CPM: variants seen among roughly 807,000 people sequenced by gnomAD.
The protein encoded by CPM is carboxypeptidase M.
CPM carries 35 observed loss-of-function variants against 46.4 expected under a neutral mutation model. The observed-to-expected ratio is 0.75, with a 90% CI of 0.58 to 1.00. The LOEUF is 1.00. Ranked by LOEUF, CPM falls within the 50% of genes least tolerant of loss-of-function variation. CPM has a pLI of 0.00. For synonymous variants in CPM, 195 were observed against 195.3 expected, an observed-to-expected ratio of 1.00 and a Z score of 0.01; for missense variants, 422 against 530.4, an observed-to-expected ratio of 0.80 and a Z score of 2.01.
chr12:68,920,355 C>T (rs548382601), intron 2 of CPM, among the ~76,000 whole-genome samples: 1 of 152,302 alleles, frequency 6.6e-6, no homozygotes, highest in Admixed American at 6.5e-5. Flanking sequence ...TTAAATGACC[C>T]TACGCTTCCC....
chr12:68,940,122 A>C (rs1409471014), intron 1 of CPM, among the ~76,000 whole-genome samples: 2 of 147,088 alleles, frequency 1.4e-5, no homozygotes, highest in Non-Finnish European at 3.0e-5. Flanking sequence ...TTCTTCTTTC[A>C]TCTCATTTTT....
In CPM at chr12:68,945,115, G is replaced by A. The variant is rs150703762; in HGVS notation, c.-3-12275C>T. On this transcript the variant is annotated intron_variant, in intron 1 of 8. Coordinates refer to the CPM transcript ENST00000546373. ...TGACCTCTGGCCACATGACTCCTGA[G>A]CAGTAAGGGATTATAAAAGTATACC... Among the ~76,000 whole-genome samples, 1,401 of 152,286 alleles carry A rather than the reference G, an allele frequency of 9.2e-3. 34 individuals are homozygous for A. The highest frequency in any genetic ancestry group is 0.032 in the African/African-American group (1,327 of 41,540).
chr12:68,886,563 C>T lies in CPM; in HGVS notation c.161-674G>A, dbSNP rs368796300. ...AGGAGAATGGTGTGAACCCCGGAGGCGGAGCTTGCAGTGAGCCAAGATCGC... is the reference window on the plus strand; with the variant it reads ...AGGAGAATGGTGTGAACCCCGGAGGTGGAGCTTGCAGTGAGCCAAGATCGC... On this transcript the variant is annotated intron_variant, in intron 2 of 8. Coordinates refer to ENST00000551568, the MANE Select transcript of CPM (RefSeq NM_198320.5). 4.2e-4 allele frequency among the ~76,000 whole-genome samples: 64 copies of T among 152,300 alleles called. No individual in the cohort carries two copies. In the East Asian group the frequency reaches 9.6e-3, roughly 23 times the overall value.
chr12:68,941,834 C>T (rs1036203843), intron 1 of CPM, among the ~76,000 whole-genome samples: 2 of 152,222 alleles, frequency 1.3e-5, no homozygotes, highest in Non-Finnish European at 2.9e-5. Context: ...GATCAGTACC[C>T]CCAGCAAAAC....
intron 2 of CPM, among the ~76,000 whole-genome samples, chr12:68,898,279 T>C (rs1886970038): frequency 6.6e-6 from 1 of 152,204 alleles, no homozygotes; most frequent in Non-Finnish European, 1.5e-5. Context: ...CCCTATTGTC[T>C]ATTTATTGCT....
chr12:68,930,502 C>T (rs1888455097), intron 2 of CPM, among the ~76,000 whole-genome samples: 1 of 152,214 alleles, frequency 6.6e-6, no homozygotes, highest in Non-Finnish European at 1.5e-5. Flanking sequence ...CACTAATGTG[C>T]AGTGACACTT....
At chr12:68,910,280 T>C (rs1280408666) in intron 2 of CPM, among the ~76,000 whole-genome samples, 1 of 152,222 alleles carries the variant, frequency 6.6e-6, no homozygotes, top group Non-Finnish European at 1.5e-5. Flanking sequence ...ATGAGGTATC[T>C]CTATATGTAC....
At chr12:68,873,297 T>G (rs2136234803) in intron 3 of CPM, among the ~76,000 whole-genome samples, 1 of 152,334 alleles carries the variant, frequency 6.6e-6, no homozygotes. Context: ...TGACCACTTC[T>G]CACTTGATTC....
intron 7 of CPM, among the ~76,000 whole-genome samples, chr12:68,860,631 C>T (rs945321648): frequency 1.3e-5 from 2 of 151,930 alleles, no homozygotes; most frequent in African/African-American, 4.8e-5. Context: ...TTACACTGTG[C>T]CCCCCTTAGG....
chr12:68,954,078 A>C (rs1379198950), intron 1 of CPM, among the ~76,000 whole-genome samples: 8 of 152,126 alleles, frequency 5.3e-5, no homozygotes, highest in Non-Finnish European at 1.5e-5. Flanking sequence ...AAAGTTATTC[A>C]TGCTGGTTAA....
chr12:68,938,613 C>T (rs1888709565), intron 1 of CPM, among the ~76,000 whole-genome samples: 1 of 152,042 alleles, frequency 6.6e-6, no homozygotes, highest in Non-Finnish European at 1.5e-5. Context: ...AGCATGTACA[C>T]TTTTAAGACT....
chr12:68,957,830 G>C (rs1474759527), intron 1 of CPM, among the ~76,000 whole-genome samples: 1 of 151,962 alleles, frequency 6.6e-6, no homozygotes, highest in East Asian at 1.9e-4. Flanking sequence ...TCCTAATGCT[G>C]TCCCTCCCCC....
At chr12:68,883,250 T>C (rs1208023236) in intron 3 of CPM, among the ~76,000 whole-genome samples, 1 of 152,210 alleles carries the variant, frequency 6.6e-6, no homozygotes, top group Non-Finnish European at 1.5e-5. Context: ...TTAGCTCTGT[T>C]GCTTCTTAAA....
At chr12:68,872,017 C>CAA (rs1411411437) in intron 3 of CPM, 61 bp from the exon 4 acceptor site, 6 of 1,564,100 alleles carry the variant, frequency 3.8e-6, no homozygotes, top group Non-Finnish European at 5.3e-6. Context: ...GAAAGCACTC[C>CAA]CTACGGTACA....
intron 1 of CPM, among the ~76,000 whole-genome samples, chr12:68,952,628 C>A (rs980493852): frequency 2.6e-5 from 4 of 152,188 alleles, no homozygotes; most frequent in Admixed American, 6.5e-5. Flanking sequence ...CAGCACCTAT[C>A]TGGGACATTT....
chr12:68,947,654 A>AT (rs1045791224), intron 1 of CPM, among the ~76,000 whole-genome samples: 19 of 150,564 alleles, frequency 1.3e-4, no homozygotes, highest in African/African-American at 2.7e-4. Flanking sequence ...ATTTATTATT[A>AT]TTTTTTTTGA....
At chr12:68,892,449 C>A (rs1886695460) in intron 2 of CPM, among the ~76,000 whole-genome samples, 1 of 152,184 alleles carries the variant, frequency 6.6e-6, no homozygotes, top group African/African-American at 2.4e-5. Context: ...TACAGGTGAG[C>A]CTTAGTCACT....
chr12:68,893,883 C>T (rs897332202), intron 2 of CPM, among the ~76,000 whole-genome samples: 3 of 152,166 alleles, frequency 2.0e-5, no homozygotes, highest in African/African-American at 7.2e-5. Context: ...AACCATGTCC[C>T]CTGCACTTTT....
At chr12:68,883,258 A>G (rs1886274513) in intron 3 of CPM, among the ~76,000 whole-genome samples, 1 of 152,218 alleles carries the variant, frequency 6.6e-6, no homozygotes, top group African/African-American at 2.4e-5. Context: ...GTTGCTTCTT[A>G]AAAATGCTTT....
Sources: gnomAD v4.1 joint callset for allele counts (sites outside exome capture counted in the v4.1 genomes callset) on GRCh38, gnomAD v4.1.1 for gene constraint, MANE v1.5 for transcripts, NCBI Gene and HGNC (gene_info 2026-07-23, HGNC 2026-07-21) for gene names.